The following PIEZO2 variants were observed in gnomAD, a reference collection of about 807,000 sequenced individuals.
The protein encoded by PIEZO2 is piezo type mechanosensitive ion channel component 2.
A neutral mutation model predicts 337.3 loss-of-function variants in PIEZO2; 172 were observed. The observed-to-expected ratio is 0.51, with a 90% confidence interval of 0.45 to 0.58. The LOEUF is 0.58. Among genes scored for constraint, PIEZO2 ranks in the 20% least tolerant of loss-of-function variants. The pLI, the probability that PIEZO2 is intolerant of heterozygous loss-of-function variation, is 0.00. For missense variants in PIEZO2, 3,028 were observed against 3,391.3 expected (o/e 0.89, Z 2.66); for synonymous variants, 1,251 against 1,228.5 (o/e 1.02, Z -0.38).
At chr18:11,034,388 C>T (rs891156782) in intron 2 of PIEZO2, among the ~76,000 whole-genome samples, 2 of 151,778 alleles carry the variant, frequency 1.3e-5, no homozygotes, top group Non-Finnish European at 2.9e-5. Flanking sequence ...CTCCGCCTCC[C>T]AGGTTCACGC....
Position 11,092,682 on chromosome 18 carries a change from T to C in PIEZO2, c.65-26460A>G, listed in dbSNP as rs1420119253. Among the ~76,000 whole-genome samples, 2 of 151,968 alleles carry C rather than the reference T, an allele frequency of 1.3e-5. No individual in the cohort carries two copies. The highest frequency in any genetic ancestry group is 2.9e-5 in the Non-Finnish European group (2 of 67,992). On this transcript the variant is annotated intron_variant, in intron 1 of 55. Coordinates refer to ENST00000674853, the MANE Select transcript of PIEZO2 (RefSeq NM_001378183.1). The surrounding 1 kb of genome is among the most constrained non-coding windows in gnomAD (Gnocchi z 4.5). ...GATCCAAACCTTGGATCCTGAAAAA[T>C]GTGAACAAAAAGAGCTTTGTCAAAC...
At chr18:10,908,089 G>C (rs983989038) in intron 4 of PIEZO2, among the ~76,000 whole-genome samples, 1 of 152,220 alleles carries the variant, frequency 6.6e-6, no homozygotes, top group Admixed American at 6.5e-5. Context: ...CATAAACTGT[G>C]ACTACGTGTA....
At chr18:11,067,728 G>A (rs373397504) in intron 1 of PIEZO2, among the ~76,000 whole-genome samples, 5 of 152,044 alleles carry the variant, frequency 3.3e-5, no homozygotes, top group Admixed American at 6.6e-5. Flanking sequence ...AAATATCAAC[G>A]GATATAAATG....
At position 10,677,481 on chromosome 18, in the gene PIEZO2, A is replaced by G. The variant is rs1330540706; in HGVS notation, c.8081+266T>C. On this transcript the variant is annotated intron_variant, in intron 53 of 55. Coordinates refer to ENST00000674853, the MANE Select transcript of PIEZO2 (RefSeq NM_001378183.1). The surrounding 1 kb of genome is among the most constrained non-coding windows in gnomAD (Gnocchi z 4.1). ...GATCCACCTGTCTCAGCCTCCCAAC[A>G]TGCTGGGATTACAGGCATGAGCCAC... 1 of 336,182 alleles carries G rather than the reference A, an allele frequency of 3.0e-6. No homozygotes were observed. Among genetic ancestry groups the G allele is most frequent in the South Asian group, 3.1e-5 (1 of 32,054 alleles). The allele number at this position is 336,182 out of a possible 1,614,324, so 20.8% of individuals were successfully genotyped here.
At position 10,697,866 on chromosome 18, in the gene PIEZO2, G is replaced by A. The variant is rs1208658674; in HGVS notation, c.6709C>T (p.Arg2237Ter). ...NRSQRGSTST[R>*]NSSQKGSSVL... ...CTGCTTCCTTTTTGACTGCTGTTTCGGGTGCTTGTGCTGCCTAGAAATAAA... is the reference window on the plus strand; with the variant it reads ...CTGCTTCCTTTTTGACTGCTGTTTCAGGTGCTTGTGCTGCCTAGAAATAAA... Residue 2237 changes from arginine (R) to a stop codon, truncating the protein, a stop_gained, in exon 45 of 56, where the codon CGA becomes TGA. Coordinates refer to ENST00000674853, the MANE Select transcript of PIEZO2 (RefSeq NM_001378183.1). LOFTEE classifies it high-confidence loss of function. 9.9e-6 allele frequency: 16 copies of A among 1,612,582 alleles called. No homozygotes were observed. Among genetic ancestry groups the A allele is most frequent in the Middle Eastern group, 1.6e-4 (1 of 6,082 alleles).
chr18:10,757,242 G>A (rs1260369420), intron 27 of PIEZO2, among the ~76,000 whole-genome samples: 2 of 148,072 alleles, frequency 1.4e-5, no homozygotes, highest in East Asian at 4.1e-4. Flanking sequence ...AAAGGGGGAT[G>A]AGGATGTGCT....
rs78878373 is a variant in PIEZO2 at position 10,959,215 on chromosome 18, A to C, written c.286+20320T>G. On this transcript the variant is annotated intron_variant, in intron 3 of 55. Transcript: ENST00000674853. ...TAAATGGTTTTCCATTTGTCTTTGT[A>C]TTTGTCTTGTTTTGTTCTCAAAGTC... Among the ~76,000 whole-genome samples the C allele has an allele frequency of 8.5e-3, 1,287 of 152,206 alleles. 16 individuals are homozygous for C. The highest frequency in any genetic ancestry group is 0.029 in the African/African-American group (1,198 of 41,536).
chr18:10,947,110 A>G (rs1248974992), intron 3 of PIEZO2, among the ~76,000 whole-genome samples: 1 of 152,170 alleles, frequency 6.6e-6, no homozygotes, highest in Non-Finnish European at 1.5e-5. Flanking sequence ...AGTAAAACTG[A>G]GAGAGATGAT....
In PIEZO2 at chr18:10,759,463, C is replaced by G. The variant is rs2038027723; in HGVS notation, c.3757+19G>C. On this transcript the variant is annotated intron_variant, in intron 26 of 55. Transcript: ENST00000674853. This position sits in a 1 kb window ranked among gnomAD's most constrained non-coding sequence, Gnocchi z 5.5. Reference sequence around the variant, plus strand: ...ACCCGGATACCAGCACTCTGTGGCCCTGCAGTGGAAACACTTACAGACGAG... The same window carrying G: ...ACCCGGATACCAGCACTCTGTGGCCGTGCAGTGGAAACACTTACAGACGAG... 4 of 1,525,174 alleles carry G rather than the reference C, an allele frequency of 2.6e-6. No individual in the cohort carries two copies. The highest frequency in any genetic ancestry group is 3.5e-6 in the Non-Finnish European group (4 of 1,136,800). The allele number at this position is 1,525,174 out of a possible 1,614,324, so 94.5% of individuals were successfully genotyped here.
intron 1 of PIEZO2, among the ~76,000 whole-genome samples, chr18:11,081,045 G>A (rs1020678856): frequency 1.3e-5 from 2 of 152,086 alleles, no homozygotes; most frequent in Non-Finnish European, 2.9e-5. Context: ...ATAATATTTG[G>A]GTAATAATTT....
In PIEZO2 at chr18:11,003,172, C is replaced by T. The variant is rs552272162; in HGVS notation, c.161-23512G>A. Reference sequence around the variant, plus strand: ...TGGGTGATGCAGTGAGGTTCCAGGACGTGTGTGGTATTAACTGTAGCACTA... The same window carrying T: ...TGGGTGATGCAGTGAGGTTCCAGGATGTGTGTGGTATTAACTGTAGCACTA... On this transcript the variant is annotated intron_variant, in intron 2 of 55. Coordinates refer to ENST00000674853, the MANE Select transcript of PIEZO2 (RefSeq NM_001378183.1). This position sits in a 1 kb window ranked among gnomAD's most constrained non-coding sequence, Gnocchi z 4.6. 6.6e-5 allele frequency among the ~76,000 whole-genome samples: 10 copies of T among 152,298 alleles called. No individual in the cohort carries two copies. Among genetic ancestry groups the T allele is most frequent in the African/African-American group, 9.6e-5 (4 of 41,570 alleles).
At chr18:10,797,645 T>A in intron 11 of PIEZO2, 123 bp from the exon 12 acceptor site, 1 of 1,422,336 alleles carries the variant, frequency 7.0e-7, no homozygotes. Flanking sequence ...TCAGAAATTG[T>A]TTCCCATTCA....
At position 11,116,388 on chromosome 18, in the gene PIEZO2, G is replaced by A. The variant is rs2039887984; in HGVS notation, c.64+32137C>T. Among the ~76,000 whole-genome samples the A allele has an allele frequency of 6.6e-6, 1 of 152,108 alleles. No homozygotes were observed. The highest frequency in any genetic ancestry group is 2.4e-5 in the African/African-American group (1 of 41,426). On this transcript the variant is annotated intron_variant, in intron 1 of 55. Transcript: ENST00000674853. This position sits in a 1 kb window ranked among gnomAD's most constrained non-coding sequence, Gnocchi z 5.0. Reference sequence around the variant, plus strand: ...CGGTGTGAAAATGCACCTCGACAATGCTTGGGTGATCTGTTTCTTGGGTGT... The same window carrying A: ...CGGTGTGAAAATGCACCTCGACAATACTTGGGTGATCTGTTTCTTGGGTGT...
chr18:11,008,026 T>C (rs2035780929), intron 2 of PIEZO2, among the ~76,000 whole-genome samples: 1 of 152,160 alleles, frequency 6.6e-6, no homozygotes, highest in Admixed American at 6.5e-5. Flanking sequence ...AAAGGGCACA[T>C]CTTTCTCCTC....
At position 10,672,804 on chromosome 18, in the gene PIEZO2, C is replaced by G; in HGVS notation, c.8231G>C (p.Trp2744Ser). The change falls in exon 55 of 56, where the codon TGG becomes TCG. Residue 2744 changes from tryptophan to serine, a missense_variant. By Grantham distance (177) the Trp-to-Ser change is radical. Transcript: ENST00000674853. This position sits in a 1 kb window ranked among gnomAD's most constrained non-coding sequence, Gnocchi z 4.7. ...TCTGTTTCCAGTCAGGTTGAGAACC[C>G]ACCACTCACTGTTATATTTAGTTGT... ...DNTTKYNSEWWVLNLTGNRIY... is the reference protein window; with the variant it reads ...DNTTKYNSEWSVLNLTGNRIY... The G allele has an allele frequency of 6.2e-7, 1 of 1,613,182 alleles. No individual in the cohort carries two copies. Among genetic ancestry groups the G allele is most frequent in the Non-Finnish European group, 8.5e-7 (1 of 1,179,202 alleles).
intron 7 of PIEZO2, among the ~76,000 whole-genome samples, chr18:10,809,693 G>C (rs2040125708): frequency 1.3e-5 from 2 of 152,002 alleles, no homozygotes; most frequent in African/African-American, 4.8e-5. Context: ...ATACTACACA[G>C]CATCCAACAA....
chr18:10,916,419 G>A (rs1179039575), intron 3 of PIEZO2, among the ~76,000 whole-genome samples: 3 of 152,178 alleles, frequency 2.0e-5, no homozygotes, highest in Non-Finnish European at 4.4e-5. Flanking sequence ...CAGGTCCGGA[G>A]CCCTTCCTCG....
chr18:10,759,352 C>T lies in PIEZO2; in HGVS notation c.3757+130G>A, dbSNP rs935105274. The T allele has an allele frequency of 5.3e-6, 4 of 751,926 alleles. No individual in the cohort carries two copies. Among genetic ancestry groups the T allele is most frequent in the Middle Eastern group, 7.7e-4 (2 of 2,590 alleles). The allele number at this position is 751,926 out of a possible 1,614,324, so 46.6% of individuals were successfully genotyped here. ...CCATTAATGACTTGTGATATTAATGCATAAGACAAGCCTTTACATGATTAC... is the reference window on the plus strand; with the variant it reads ...CCATTAATGACTTGTGATATTAATGTATAAGACAAGCCTTTACATGATTAC... On this transcript the variant is annotated intron_variant, in intron 26 of 55. Coordinates refer to ENST00000674853, the MANE Select transcript of PIEZO2 (RefSeq NM_001378183.1). The surrounding 1 kb of genome is among the most constrained non-coding windows in gnomAD (Gnocchi z 5.5).
chr18:11,138,462 ATTTT>A (rs2146270268), intron 1 of PIEZO2, among the ~76,000 whole-genome samples: 1 of 152,202 alleles, frequency 6.6e-6, no homozygotes, highest in East Asian at 1.9e-4. Flanking sequence ...CACCCAGCTA[ATTTT>A]TGTATTTTAG....
Sources: allele counts gnomAD v4.1 joint callset (sites outside exome capture counted in the v4.1 genomes callset), GRCh38; gene constraint gnomAD v4.1.1; non-coding constraint Gnocchi (gnomAD v3.1); transcripts MANE v1.5; gene names NCBI Gene and HGNC (gene_info 2026-07-23, HGNC 2026-07-21).